The following CCDC85A variants were observed in gnomAD, a reference collection of about 807,000 sequenced individuals.
CCDC85A encodes the protein coiled-coil domain-containing protein 85A.
In CCDC85A, 38 loss-of-function variants were observed where a neutral mutation model predicts 50.2. That is an observed-to-expected ratio of 0.76 (90% CI 0.58 to 0.99). The LOEUF (loss-of-function observed/expected upper bound fraction) is 0.99, where lower values mean the gene tolerates loss of function less well. Among genes scored for constraint, CCDC85A ranks in the 50% least tolerant of loss-of-function variants. The pLI is 0.00. For synonymous variants in CCDC85A, 366 were observed against 301.4 expected (o/e 1.21, Z -2.22); for missense variants, 820 against 742.0 (o/e 1.11, Z -1.22).
chr2:56,344,031 G>A (rs1339816374), intron 3 of CCDC85A, among the ~76,000 whole-genome samples: 3 of 152,062 alleles, frequency 2.0e-5, no homozygotes, highest in African/African-American at 7.3e-5. Flanking sequence ...CTAACAGTCT[G>A]CCCAGAAATC....
intron 2 of CCDC85A, among the ~76,000 whole-genome samples, chr2:56,267,725 T>A (rs2104047809): frequency 6.6e-6 from 1 of 152,286 alleles, no homozygotes; most frequent in East Asian, 1.9e-4. Flanking sequence ...TTGGGAACAC[T>A]GGAGAGTGGA....
chr2:56,355,082 G>A (rs926274440), intron 3 of CCDC85A, among the ~76,000 whole-genome samples: 1 of 152,188 alleles, frequency 6.6e-6, no homozygotes, highest in Non-Finnish European at 1.5e-5. Context: ...AGTCCTGTGG[G>A]TTTCCACACT....
At chr2:56,327,210 G>T (rs1353784153) in intron 2 of CCDC85A, among the ~76,000 whole-genome samples, 1 of 152,102 alleles carries the variant, frequency 6.6e-6, no homozygotes, top group African/African-American at 2.4e-5. Flanking sequence ...CCACTAATAA[G>T]GTTTATTGTA....
intron 2 of CCDC85A, among the ~76,000 whole-genome samples, chr2:56,218,020 C>T (rs1360358735): frequency 2.6e-5 from 4 of 151,660 alleles, no homozygotes; most frequent in East Asian, 1.9e-4. Flanking sequence ...TGAGGTTTGG[C>T]GACATATGGT....
intron 2 of CCDC85A, among the ~76,000 whole-genome samples, chr2:56,321,167 A>G (rs1401802948): frequency 6.6e-6 from 1 of 152,154 alleles, no homozygotes; most frequent in African/African-American, 2.4e-5. Flanking sequence ...ATTTATGACA[A>G]ACCCACAGCC....
At chr2:56,189,438 C>T (rs112339354) in intron 1 of CCDC85A, among the ~76,000 whole-genome samples, 7,083 of 151,638 alleles carry the variant, frequency 0.047, 216 homozygotes, top group South Asian at 0.095. Flanking sequence ...ATTACAGGCA[C>T]GTGTCACCAT....
intron 2 of CCDC85A, among the ~76,000 whole-genome samples, chr2:56,214,867 C>G (rs1677327793): frequency 1.3e-5 from 2 of 151,866 alleles, no homozygotes. Flanking sequence ...CTTTCATCTT[C>G]CTACTTAAAC....
chr2:56,301,853 AC>A (rs2104191910), intron 2 of CCDC85A, among the ~76,000 whole-genome samples: 1 of 152,316 alleles, frequency 6.6e-6, no homozygotes, highest in East Asian at 1.9e-4. Flanking sequence ...AATACCTAAT[AC>A]GTGCAGGGCT....
At chr2:56,316,688 G>T (rs1284208720) in intron 2 of CCDC85A, among the ~76,000 whole-genome samples, 1 of 152,030 alleles carries the variant, frequency 6.6e-6, no homozygotes, top group Admixed American at 6.6e-5. Flanking sequence ...TTAGTAAGGG[G>T]ATGTTCTGTG....
chr2:56,367,374 G>A (rs1675848525), intron 3 of CCDC85A, among the ~76,000 whole-genome samples: 1 of 152,144 alleles, frequency 6.6e-6, no homozygotes, highest in Non-Finnish European at 1.5e-5. Flanking sequence ...AGCTTAAGGA[G>A]TTTCCTTCTA....
intron 1 of CCDC85A, among the ~76,000 whole-genome samples, chr2:56,186,513 CTG>C (rs1676054377): frequency 6.6e-6 from 1 of 152,176 alleles, no homozygotes; most frequent in South Asian, 2.1e-4. Flanking sequence ...AAATCTATGG[CTG>C]TGTGTCCCCA....
intron 2 of CCDC85A, among the ~76,000 whole-genome samples, chr2:56,243,111 T>A (rs1669340098): frequency 6.6e-6 from 1 of 152,122 alleles, no homozygotes; most frequent in African/African-American, 2.4e-5. Flanking sequence ...CTTGAAGTAA[T>A]CTTCTTTGGG....
chr2:56,261,107 T>G (rs1670198711), intron 2 of CCDC85A, among the ~76,000 whole-genome samples: 1 of 152,184 alleles, frequency 6.6e-6, no homozygotes, highest in African/African-American at 2.4e-5. Flanking sequence ...CAGGTGATCT[T>G]GGGAAATTTA....
At chr2:56,349,141 A>C (rs1674775547) in intron 3 of CCDC85A, among the ~76,000 whole-genome samples, 1 of 152,166 alleles carries the variant, frequency 6.6e-6, no homozygotes, top group Non-Finnish European at 1.5e-5. Flanking sequence ...ATGTTGCACA[A>C]CCTGTGTAGA....
intron 2 of CCDC85A, among the ~76,000 whole-genome samples, chr2:56,330,434 A>C (rs923255280): frequency 6.6e-6 from 1 of 152,212 alleles, no homozygotes; most frequent in Non-Finnish European, 1.5e-5. Context: ...TGCATCTTGA[A>C]TAATTGCTTC....
intron 3 of CCDC85A, among the ~76,000 whole-genome samples, chr2:56,371,828 C>T (rs541153010): frequency 6.6e-6 from 1 of 152,114 alleles, no homozygotes; most frequent in East Asian, 1.9e-4. Context: ...TCATTACATT[C>T]TCTTCAACAT....
intron 2 of CCDC85A, among the ~76,000 whole-genome samples, chr2:56,272,976 A>G (rs1670763047): frequency 6.6e-6 from 1 of 152,324 alleles, no homozygotes; most frequent in South Asian, 2.1e-4. Flanking sequence ...GCCAAGAATA[A>G]GTTAAGATAA....
At position 56,315,212 on chromosome 2, in the gene CCDC85A, T is replaced by C. The variant is rs146266006; in HGVS notation, c.1241-27667T>C. 7.0e-3 allele frequency among the ~76,000 whole-genome samples: 1,071 copies of C among 152,294 alleles called. 3 individuals are homozygous for C. The highest frequency in any genetic ancestry group is 0.02 in the Middle Eastern group (6 of 294). On this transcript the variant is annotated intron_variant, in intron 2 of 5. Coordinates refer to ENST00000407595, the MANE Select transcript of CCDC85A (RefSeq NM_001080433.2). ...CCTCCCATGAGATTGACTGAGGTAA[T>C]TCCTTACATACAATCTGTTTAAACA...
chr2:56,265,678 C>G (rs932624295), intron 2 of CCDC85A, among the ~76,000 whole-genome samples: 1 of 152,112 alleles, frequency 6.6e-6, no homozygotes, highest in African/African-American at 2.4e-5. Flanking sequence ...AAAAGAAAGC[C>G]TTGCACACGG....
Sources: gnomAD v4.1 joint callset for allele counts (sites outside exome capture counted in the v4.1 genomes callset) on GRCh38, gnomAD v4.1.1 for gene constraint, MANE v1.5 for transcripts, NCBI Gene and HGNC (gene_info 2026-07-23, HGNC 2026-07-21) for gene names.